HIVEP2: variants seen among roughly 807,000 people sequenced by gnomAD.
HIVEP2 encodes the protein transcription factor HIVEP2.
In HIVEP2, 14 loss-of-function variants were observed where a neutral mutation model predicts 180.7. The ratio of observed to expected loss-of-function variants is 0.08; its 90% CI spans 0.05 to 0.12. HIVEP2 has a LOEUF of 0.12. HIVEP2 is among the 10% of genes least tolerant of loss of function. The pLI, the probability that HIVEP2 is intolerant of heterozygous loss-of-function variation, is 1.00. For synonymous variants in HIVEP2, 1,184 were observed against 1,136.4 expected (o/e 1.04, Z -0.84); for missense variants, 2,579 against 3,008.5 (o/e 0.86, Z 3.34).
chr6:142,804,451 G>T (rs1379542396), intron 2 of HIVEP2, among the ~76,000 whole-genome samples: 1 of 152,096 alleles, frequency 6.6e-6, no homozygotes, highest in Admixed American at 6.6e-5. Flanking sequence ...TAATGAAGAT[G>T]TGTAAAGTGG....
chr6:142,863,587 T>C (rs959795081), intron 1 of HIVEP2, among the ~76,000 whole-genome samples: 1 of 152,214 alleles, frequency 6.6e-6, no homozygotes, highest in Non-Finnish European at 1.5e-5. Flanking sequence ...GAGATTTAAT[T>C]GAGTTCTCAG....
At chr6:142,831,666 A>T (rs1038755527) in intron 2 of HIVEP2, among the ~76,000 whole-genome samples, 5 of 151,952 alleles carry the variant, frequency 3.3e-5, no homozygotes, top group Non-Finnish European at 5.9e-5. Context: ...GGAGAATGAG[A>T]CCTCCTGGTC....
At position 142,769,688 on chromosome 6, in the gene HIVEP2, C is replaced by T. The variant is rs1419907145; in HGVS notation, c.5051G>A (p.Gly1684Glu). 1.2e-6 allele frequency: 2 copies of T among 1,614,164 alleles called. No homozygotes were observed. The highest frequency in any genetic ancestry group is 1.7e-6 in the Non-Finnish European group (2 of 1,180,028). ...AGCCAGCGTGGTCTTGGTGTTCAATCCTGATGGGTTTGGATTACAGGAACT... is the reference window on the plus strand; with the variant it reads ...AGCCAGCGTGGTCTTGGTGTTCAATTCTGATGGGTTTGGATTACAGGAACT... The part of the protein sequence containing the change: ...CISSCNPNPS[G>E]LNTKTTLALL... Residue 1684 changes from glycine to glutamate, a missense_variant, in exon 5 of 10, where the codon GGA (glycine) becomes GAA (glutamate). By Grantham distance (98) the Gly-to-Glu change is moderately conservative (BLOSUM62 -2). This residue lies in a region of HIVEP2 where 349 missense variants were observed against 367.2 expected (regional missense o/e 0.95). Transcript: ENST00000367603.
intron 1 of HIVEP2, among the ~76,000 whole-genome samples, chr6:142,927,214 A>T (rs1217538640): frequency 6.6e-6 from 1 of 152,078 alleles, no homozygotes; most frequent in Non-Finnish European, 1.5e-5. Flanking sequence ...CACCGCCTGG[A>T]TTTCCCACGG....
intron 1 of HIVEP2, among the ~76,000 whole-genome samples, chr6:142,895,460 A>G (rs1776962758): frequency 6.6e-6 from 1 of 152,096 alleles, no homozygotes; most frequent in South Asian, 2.1e-4. Context: ...TCTATGGGCA[A>G]TCCACATCAT....
chr6:142,897,717 G>C (rs888387945), intron 1 of HIVEP2, among the ~76,000 whole-genome samples: 1 of 152,188 alleles, frequency 6.6e-6, no homozygotes, highest in Admixed American at 6.5e-5. Context: ...AAGGGCAAGA[G>C]ATGTGCTCTC....
rs554915620 is a variant in HIVEP2, at chr6:142,866,112, AT to A, written c.-640-29066del. 1.9e-3 allele frequency among the ~76,000 whole-genome samples: 226 copies of A among 120,788 alleles called. 1 individual carries two copies. The highest frequency in any genetic ancestry group is 3.9e-3 in the Admixed American group (50 of 12,972). 79.2% of individuals were successfully genotyped at this position (120,788 alleles called of 152,430 possible). A position where few individuals can be genotyped will look rare whatever the true frequency, so the allele number is the denominator to read the frequency against. On this transcript the variant is annotated intron_variant, in intron 1 of 9. Coordinates refer to ENST00000367603, the MANE Select transcript of HIVEP2 (RefSeq NM_006734.4). ...GTGGAAATTAAATTAGGTAAGCAGC[AT>A]GCTGCAACTGGTGAAGAGGCAAGCT... is the stretch of plus-strand genomic sequence containing the variant.
chr6:142,813,225 A>G (rs986649280), intron 2 of HIVEP2, among the ~76,000 whole-genome samples: 7 of 152,156 alleles, frequency 4.6e-5, no homozygotes, highest in African/African-American at 1.7e-4. Context: ...TAGGCAGGTT[A>G]TTATTTTTCA....
intron 1 of HIVEP2, among the ~76,000 whole-genome samples, chr6:142,944,039 C>T (rs916939835): frequency 6.6e-6 from 1 of 152,174 alleles, no homozygotes; most frequent in Non-Finnish European, 1.5e-5. Context: ...ACAAGCTTTC[C>T]CGTTAGGGAA....
At chr6:142,805,662 G>A (rs558925089) in intron 2 of HIVEP2, among the ~76,000 whole-genome samples, 3 of 152,136 alleles carry the variant, frequency 2.0e-5, no homozygotes, top group East Asian at 1.9e-4. Flanking sequence ...AGAAGACTGC[G>A]TGTCTCCTGA....
intron 1 of HIVEP2, among the ~76,000 whole-genome samples, chr6:142,855,863 G>T (rs1775805166): frequency 6.6e-6 from 1 of 151,506 alleles, no homozygotes; most frequent in Non-Finnish European, 1.5e-5. Context: ...ATACACTATG[G>T]TGGAGGCATA....
chr6:142,873,684 T>C (rs909159167), intron 1 of HIVEP2, among the ~76,000 whole-genome samples: 12 of 152,178 alleles, frequency 7.9e-5, no homozygotes, highest in Non-Finnish European at 1.5e-4. Flanking sequence ...GCTAGGTTCA[T>C]ATATTGCATG....
intron 1 of HIVEP2, among the ~76,000 whole-genome samples, chr6:142,919,995 T>C (rs1308725009): frequency 6.6e-6 from 1 of 152,264 alleles, no homozygotes; most frequent in African/African-American, 2.4e-5. Context: ...TTCCTAAGTA[T>C]ATTTTTATGT....
At chr6:142,828,183 G>C (rs982144783) in intron 2 of HIVEP2, among the ~76,000 whole-genome samples, 3 of 152,166 alleles carry the variant, frequency 2.0e-5, no homozygotes, top group Non-Finnish European at 4.4e-5. Context: ...CAATAAGTAA[G>C]AGCTACTCTT....
chr6:142,769,574 C>T lies in HIVEP2; in HGVS notation c.5165G>A (p.Ser1722Asn). The T allele has an allele frequency of 6.2e-7, 1 of 1,614,084 alleles. No individual in the cohort carries two copies. Among genetic ancestry groups the T allele is most frequent in the Non-Finnish European group, 8.5e-7 (1 of 1,179,990 alleles). ...RPGTGKLTSS[S>N]AWKQFTQMKP... is the part of the protein sequence containing the mutation. The stretch of plus-strand genomic sequence containing the variant: ...TACCTGAGTAAACTGCTTCCAAGCA[C>T]TTGATGATGTAAGCTTGCCGGTTCC... The change falls in exon 5 of 10, where the codon AGT becomes AAT. Residue 1722 changes from serine to asparagine, a missense_variant. Physicochemically the swap from Ser to Asn is conservative, Grantham distance 46. Transcript: ENST00000367603.
At position 142,772,249 on chromosome 6, in the gene HIVEP2, G is replaced by A; in HGVS notation, c.2490C>T (p.Ala830=). The A allele has an allele frequency of 6.2e-7, 1 of 1,614,208 alleles. No homozygotes were observed. Among genetic ancestry groups the A allele is most frequent in the Non-Finnish European group, 8.5e-7 (1 of 1,180,042 alleles). Reference sequence around the variant, plus strand: ...TGTCACAAGTCTCTGAAGGGGAAGGGGCTTTATCCTGTGTGCAAGCCACAA... The same window carrying A: ...TGTCACAAGTCTCTGAAGGGGAAGGAGCTTTATCCTGTGTGCAAGCCACAA... ...AELVACTQDK[A]PSPSETCDSE... Residue 830 remains alanine (A), a synonymous_variant, in exon 5 of 10, where the codon GCC becomes GCT. Transcript: ENST00000367603. The surrounding 1 kb of genome is among the most constrained non-coding windows in gnomAD (Gnocchi z 4.9).
intron 1 of HIVEP2, among the ~76,000 whole-genome samples, chr6:142,842,533 TC>T (rs1229006138): frequency 1.3e-5 from 2 of 152,172 alleles, no homozygotes; most frequent in African/African-American, 2.4e-5. Context: ...CTGTTTGCCA[TC>T]CGCACTTTGA....
intron 5 of HIVEP2, 63 bp from the exon 6 acceptor site, chr6:142,768,599 C>T (rs1350382747): frequency 3.3e-6 from 5 of 1,516,196 alleles, no homozygotes; most frequent in South Asian, 1.2e-5. Flanking sequence ...GCCCCTATGT[C>T]CCACTCTTCC....
chr6:142,879,354 C>G (rs972428270), intron 1 of HIVEP2, among the ~76,000 whole-genome samples: 1 of 152,152 alleles, frequency 6.6e-6, no homozygotes, highest in South Asian at 2.1e-4. Flanking sequence ...GTGGCACTTA[C>G]ACTATCCAGC....
Sources: allele counts gnomAD v4.1 joint callset (sites outside exome capture counted in the v4.1 genomes callset), GRCh38; gene constraint gnomAD v4.1.1; regional missense constraint gnomAD v4.1.1; non-coding constraint Gnocchi (gnomAD v3.1); transcripts MANE v1.5; gene names NCBI Gene and HGNC (gene_info 2026-07-23, HGNC 2026-07-21).